The following SORL1 variants were observed in gnomAD, a reference collection of about 807,000 sequenced individuals.
SORL1 encodes sortilin related receptor 1.
In SORL1, 127 loss-of-function variants were observed where a neutral mutation model predicts 273.7. That is an observed-to-expected ratio of 0.46 (90% CI 0.40 to 0.54). SORL1 has a LOEUF of 0.54. Ranked by LOEUF, SORL1 falls within the 20% of genes least tolerant of loss-of-function variation. SORL1 has a pLI of 0.00. For synonymous variants in SORL1, 1,031 were observed against 1,067.4 expected (o/e 0.97, Z 0.66); for missense variants, 2,494 against 2,846.1 (o/e 0.88, Z 2.81).
chr11:121,521,829 G>A (rs893021106), intron 9 of SORL1, among the ~76,000 whole-genome samples: 2 of 152,166 alleles, frequency 1.3e-5, no homozygotes, highest in Non-Finnish European at 1.5e-5. Context: ...ATTTTTACCT[G>A]ACCATAACCA....
rs372523359 is a variant in SORL1 at position 121,557,748 on chromosome 11, T to G, written c.2663+343T>G. Among the ~76,000 whole-genome samples the G allele has an allele frequency of 4.6e-5, 7 of 152,322 alleles. No homozygotes were observed. In the East Asian group the frequency reaches 9.6e-4, roughly 21 times the overall value. On this transcript the variant is annotated intron_variant, in intron 19 of 47. Coordinates refer to ENST00000260197, the MANE Select transcript of SORL1 (RefSeq NM_003105.6). ...TGAGTTTCATGCATGGTACAAACATTTAATTCATTCCATCTTTCCCCTGCC... is the reference window on the plus strand; with the variant it reads ...TGAGTTTCATGCATGGTACAAACATGTAATTCATTCCATCTTTCCCCTGCC...
intron 8 of SORL1, among the ~76,000 whole-genome samples, chr11:121,516,349 A>G (rs1861950944): frequency 6.6e-6 from 1 of 152,168 alleles, no homozygotes; most frequent in Non-Finnish European, 1.5e-5. Flanking sequence ...GATAGATGGG[A>G]CGAGGGGTAC....
At chr11:121,538,257 G>C (rs897523600) in intron 12 of SORL1, among the ~76,000 whole-genome samples, 3 of 150,862 alleles carry the variant, frequency 2.0e-5, no homozygotes, top group African/African-American at 4.9e-5. Flanking sequence ...CATTTAATCA[G>C]TTCTGAAGGG....
At chr11:121,597,786 G>C (rs1166971464) in intron 32 of SORL1, among the ~76,000 whole-genome samples, 1 of 152,122 alleles carries the variant, frequency 6.6e-6, no homozygotes, top group Admixed American at 6.5e-5. Flanking sequence ...CTAGTGGGAG[G>C]GACATCAAGT....
At chr11:121,473,108 A>C (rs1235045697) in intron 2 of SORL1, among the ~76,000 whole-genome samples, 1 of 152,214 alleles carries the variant, frequency 6.6e-6, no homozygotes, top group African/African-American at 2.4e-5. Context: ...CTGATGTAAA[A>C]AGTTAATGTG....
In SORL1 at chr11:121,627,867, C is replaced by T; in HGVS notation, c.6577+100C>T. The T allele has an allele frequency of 1.3e-6, 1 of 750,052 alleles. No individual in the cohort carries two copies. The highest frequency in any genetic ancestry group is 2.1e-6 in the Non-Finnish European group (1 of 465,514). The allele number at this position is 750,052 out of a possible 1,614,324, so 46.5% of individuals were successfully genotyped here. On this transcript the variant is annotated intron_variant, in intron 47 of 47. Transcript: ENST00000260197. The surrounding 1 kb of genome is among the most constrained non-coding windows in gnomAD (Gnocchi z 4.9). Reference sequence around the variant, plus strand: ...ACCCACCTTCAGCTCCTCTTTTGACCCTGGAGGAGCTCTTCATCAGCCAGC... The same window carrying T: ...ACCCACCTTCAGCTCCTCTTTTGACTCTGGAGGAGCTCTTCATCAGCCAGC...
At chr11:121,582,532 T>A (rs992425956) in intron 25 of SORL1, among the ~76,000 whole-genome samples, 14 of 152,216 alleles carry the variant, frequency 9.2e-5, no homozygotes, top group African/African-American at 3.4e-4. Flanking sequence ...AGAGGACCGT[T>A]AGGAGTGTTG....
At chr11:121,566,258 T>A (rs1455054043) in intron 21 of SORL1, among the ~76,000 whole-genome samples, 8 of 152,120 alleles carry the variant, frequency 5.3e-5, no homozygotes, top group Non-Finnish European at 1.2e-4. Context: ...TAAGCCTCTT[T>A]CTTTTTAAAA....
Position 121,535,334 on chromosome 11 carries a change from C to T in SORL1, c.1685+2782C>T, listed in dbSNP as rs564671292. ...GAGATTAGTCAGGAGTTAATGCCCA[C>T]ACTGGAACTTGAGCATATTTCTGTT... On this transcript the variant is annotated intron_variant, in intron 12 of 47. Coordinates refer to ENST00000260197, the MANE Select transcript of SORL1 (RefSeq NM_003105.6). Among the ~76,000 whole-genome samples the T allele has an allele frequency of 4.6e-5, 7 of 152,350 alleles. No homozygotes were observed. The South Asian group carries it at 1.2e-3, about 27-fold the overall frequency.
At chr11:121,460,021 G>A (rs1450664666) in intron 1 of SORL1, among the ~76,000 whole-genome samples, 1 of 152,188 alleles carries the variant, frequency 6.6e-6, no homozygotes. Flanking sequence ...ACACAGCTAC[G>A]AATTCTCAGA....
intron 6 of SORL1, among the ~76,000 whole-genome samples, chr11:121,508,378 T>G (rs925224860): frequency 6.6e-6 from 1 of 152,242 alleles, no homozygotes; most frequent in African/African-American, 2.4e-5. Flanking sequence ...CCTTTTAAGC[T>G]TTTTAGTTAG....
Position 121,497,768 on chromosome 11 carries a change from G to C in SORL1, c.939+719G>C, listed in dbSNP as rs149860362. 9.8e-5 allele frequency among the ~76,000 whole-genome samples: 15 copies of C among 152,304 alleles called. No individual in the cohort carries two copies. The East Asian group carries it at 2.7e-3, about 27-fold the overall frequency. On this transcript the variant is annotated intron_variant, in intron 6 of 47. Coordinates refer to ENST00000260197, the MANE Select transcript of SORL1 (RefSeq NM_003105.6). ...AAGGGCAGGTGGGGCTCTTATTTCT[G>C]GGAGGCTACTAGCTTGCTTTCCTGA...
chr11:121,528,419 A>G (rs1862155442), intron 11 of SORL1, among the ~76,000 whole-genome samples: 1 of 152,228 alleles, frequency 6.6e-6, no homozygotes, highest in South Asian at 2.1e-4. Context: ...TGATTGTGTC[A>G]GTGCACTCCA....
At chr11:121,462,216 A>G (rs1861010776) in intron 1 of SORL1, among the ~76,000 whole-genome samples, 1 of 151,948 alleles carries the variant, frequency 6.6e-6, no homozygotes, top group Admixed American at 6.6e-5. Context: ...TTTTTTCTCC[A>G]CCTTTAAAAC....
intron 1 of SORL1, among the ~76,000 whole-genome samples, chr11:121,455,617 C>T (rs376738737): frequency 1.3e-5 from 2 of 152,308 alleles, no homozygotes; most frequent in South Asian, 2.1e-4. Context: ...GTGGGGAGAC[C>T]GGCTTCTGCC....
At chr11:121,586,568 G>C (rs532564422) in intron 27 of SORL1, among the ~76,000 whole-genome samples, 1 of 151,966 alleles carries the variant, frequency 6.6e-6, no homozygotes, top group East Asian at 1.9e-4. Flanking sequence ...GGATTAGATC[G>C]AACTTCAGTG....
In SORL1 at chr11:121,512,647, T is replaced by G. The variant is rs570966402; in HGVS notation, c.940-356T>G. Among the ~76,000 whole-genome samples the G allele has an allele frequency of 2.6e-5, 4 of 152,326 alleles. No homozygotes were observed. In the South Asian group the frequency reaches 8.3e-4, roughly 32 times the overall value. ...TAGTGGTTTGGGGGCCGTAGGCTCC[T>G]CCCTGCGTGTTTCTTCAGCCTCATC... On this transcript the variant is annotated intron_variant, in intron 6 of 47. Coordinates refer to ENST00000260197, the MANE Select transcript of SORL1 (RefSeq NM_003105.6).
intron 46 of SORL1, among the ~76,000 whole-genome samples, chr11:121,625,759 G>T (rs1863787349): frequency 6.6e-6 from 1 of 152,146 alleles, no homozygotes; most frequent in Admixed American, 6.5e-5. Context: ...TTTGTCCTGG[G>T]ATCTCTGTCT....
intron 27 of SORL1, 79 bp downstream of exon 27, chr11:121,586,408 T>C: frequency 9.3e-7 from 1 of 1,075,024 alleles, no homozygotes. Flanking sequence ...CTAAATCCTT[T>C]CATTTCCTCA....
Sources: allele counts gnomAD v4.1 joint callset (sites outside exome capture counted in the v4.1 genomes callset), GRCh38; gene constraint gnomAD v4.1.1; non-coding constraint Gnocchi (gnomAD v3.1); transcripts MANE v1.5; gene names NCBI Gene and HGNC (gene_info 2026-07-23, HGNC 2026-07-21).